Variants in RNF150 observed in about 807,000 individuals in gnomAD.
RNF150 encodes ring finger protein 150.
RNF150 carries 24 observed loss-of-function variants against 39.3 expected under a neutral mutation model. The ratio of observed to expected loss-of-function variants is 0.61; its 90% CI spans 0.44 to 0.86. The LOEUF is 0.86. RNF150 is among the 40% of genes least tolerant of loss of function. RNF150 has a pLI of 0.00. For synonymous variants in RNF150, 255 were observed against 227.3 expected (o/e 1.12, Z -1.10); for missense variants, 502 against 587.8 (o/e 0.85, Z 1.51).
intron 1 of RNF150, among the ~76,000 whole-genome samples, chr4:141,189,554 C>A (rs185293656): frequency 2.0e-5 from 3 of 152,158 alleles, no homozygotes; most frequent in Admixed American, 1.3e-4. Context: ...TATCTATAAG[C>A]CTCTGACTGG....
chr4:141,039,199 T>C (rs1191504681), intron 1 of RNF150, among the ~76,000 whole-genome samples: 2 of 152,142 alleles, frequency 1.3e-5, no homozygotes, highest in Non-Finnish European at 2.9e-5. Flanking sequence ...CGAGCCTCTT[T>C]CATGAAAAGT....
At chr4:140,886,034 C>CA (rs1288883094) in intron 6 of RNF150, among the ~76,000 whole-genome samples, 2 of 151,444 alleles carry the variant, frequency 1.3e-5, no homozygotes, top group African/African-American at 4.8e-5. Context: ...ACTGAAAATA[C>CA]AAAAAAATTA....
At chr4:141,087,418 T>A (rs532866875) in intron 1 of RNF150, among the ~76,000 whole-genome samples, 4 of 152,210 alleles carry the variant, frequency 2.6e-5, no homozygotes, top group Non-Finnish European at 5.9e-5. Context: ...TCCCTCTCCA[T>A]CTTTATCCAG....
intron 1 of RNF150, among the ~76,000 whole-genome samples, chr4:140,997,727 A>ATACACACACATATATGTGTGTGT (rs1229186561): frequency 1.1e-4 from 6 of 52,532 alleles, no homozygotes; most frequent in South Asian, 5.3e-4. Flanking sequence ...TGTGTGTATA[A>ATACACACACATATATGTGTGTGT]AAAGATACTA....
rs528336229 is a variant in RNF150, at chr4:141,047,398, A to G, written c.485-79525T>C. On this transcript the variant is annotated intron_variant, in intron 1 of 6. Coordinates refer to ENST00000515673, the MANE Select transcript of RNF150 (RefSeq NM_020724.2). ...AGACAGGCAGAGGCTGGTCCAGATCAAGAATCTGGTCGTGTGTAAATGTGC... is the reference window on the plus strand; with the variant it reads ...AGACAGGCAGAGGCTGGTCCAGATCGAGAATCTGGTCGTGTGTAAATGTGC... Among the ~76,000 whole-genome samples, 4 of 152,290 alleles carry G rather than the reference A, an allele frequency of 2.6e-5. No individual in the cohort carries two copies. The South Asian group carries it at 8.3e-4, about 32-fold the overall frequency.
intron 1 of RNF150, among the ~76,000 whole-genome samples, chr4:141,144,244 A>G (rs1727166304): frequency 6.6e-6 from 1 of 152,204 alleles, no homozygotes; most frequent in Non-Finnish European, 1.5e-5. Flanking sequence ...ATTTGATTAA[A>G]TAAGACTTTG....
Position 141,132,810 on chromosome 4 carries a change from T to C in RNF150, c.-2A>G, listed in dbSNP as rs773840918. ...CGCTTGGATGAGAGACATTGCCATC[T>C]TTATCCGCCGGGGCCCCCTCCCCGC... On this transcript the variant is annotated 5_prime_UTR_variant, in exon 1 of 7. Transcript: ENST00000515673. The surrounding 1 kb of genome is among the most constrained non-coding windows in gnomAD (Gnocchi z 4.9). The C allele has an allele frequency of 1.9e-6, 3 of 1,602,056 alleles. No individual in the cohort carries two copies. Among genetic ancestry groups the C allele is most frequent in the African/African-American group, 1.4e-5 (1 of 73,900 alleles).
intron 6 of RNF150, among the ~76,000 whole-genome samples, chr4:140,890,417 A>G (rs1251765543): frequency 6.6e-6 from 1 of 152,138 alleles, no homozygotes; most frequent in East Asian, 1.9e-4. Context: ...TTCCCTGTAC[A>G]TGTGTTGTGT....
rs59513662 is a variant in RNF150 at position 141,100,642 on chromosome 4, G to A, written c.484+31683C>T. Among the ~76,000 whole-genome samples, 1,421 of 152,292 alleles carry A rather than the reference G, an allele frequency of 9.3e-3. 8 individuals carry two copies. The highest frequency in any genetic ancestry group is 0.014 in the African/African-American group (563 of 41,556). On this transcript the variant is annotated intron_variant, in intron 1 of 6. Coordinates refer to ENST00000515673, the MANE Select transcript of RNF150 (RefSeq NM_020724.2). Reference sequence around the variant, plus strand: ...CTGACTAAGGGTACTATACAAAGAGGCATGCTAGGGAAGGAGATGTACGTC... The same window carrying A: ...CTGACTAAGGGTACTATACAAAGAGACATGCTAGGGAAGGAGATGTACGTC...
intron 1 of RNF150, among the ~76,000 whole-genome samples, chr4:141,046,052 A>G (rs1736563278): frequency 6.6e-6 from 1 of 152,198 alleles, no homozygotes; most frequent in Non-Finnish European, 1.5e-5. Flanking sequence ...CGTCATAGGA[A>G]AGCCATAGAG....
intron 5 of RNF150, among the ~76,000 whole-genome samples, chr4:140,920,220 T>C (rs75056402): frequency 0.54 from 76,730 of 142,496 alleles, 21,260 homozygotes; most frequent in East Asian, 0.89. Flanking sequence ...TTCTGCACAG[T>C]GAAAGAAACT....
chr4:141,041,184 G>A (rs990961197), intron 1 of RNF150, among the ~76,000 whole-genome samples: 4 of 152,140 alleles, frequency 2.6e-5, no homozygotes. Flanking sequence ...CCTAGTTAGG[G>A]AGAGAAATAA....
chr4:141,090,326 T>A (rs904617553), intron 1 of RNF150, among the ~76,000 whole-genome samples: 1 of 152,144 alleles, frequency 6.6e-6, no homozygotes, highest in African/African-American at 2.4e-5. Flanking sequence ...TTATTTGTAG[T>A]GCACCTAAGC....
rs1727422713 is a variant in RNF150 at position 141,157,176 on chromosome 4, T to C, written c.-6+55618A>G. On this transcript the variant is annotated intron_variant, in intron 1 of 7. Transcript: ENST00000420921. Reference sequence around the variant, plus strand: ...TCATCAGTGTTTCCTCTCATGGTCATAGATAGCTGCAGGATTCAGGTGTCA... The same window carrying C: ...TCATCAGTGTTTCCTCTCATGGTCACAGATAGCTGCAGGATTCAGGTGTCA... 2.6e-5 allele frequency among the ~76,000 whole-genome samples: 4 copies of C among 152,168 alleles called. No individual in the cohort carries two copies. In the South Asian group the frequency reaches 8.3e-4, roughly 32 times the overall value.
chr4:141,039,596 C>G (rs114114050), intron 1 of RNF150, among the ~76,000 whole-genome samples: 1 of 152,056 alleles, frequency 6.6e-6, no homozygotes, highest in African/African-American at 2.4e-5. Flanking sequence ...AAAATCTGCA[C>G]GTGCACACAT....
chr4:141,000,653 T>C (rs909777170), intron 1 of RNF150, among the ~76,000 whole-genome samples: 13 of 151,180 alleles, frequency 8.6e-5, no homozygotes, highest in African/African-American at 1.9e-4. Flanking sequence ...TACATTGATT[T>C]AGAATTTTTG....
chr4:141,032,978 C>CTT (rs1279672111), intron 1 of RNF150, among the ~76,000 whole-genome samples: 7 of 152,108 alleles, frequency 4.6e-5, no homozygotes, highest in Admixed American at 6.6e-5. Flanking sequence ...TGAGGGCTGC[C>CTT]GACTGATCAG....
intron 1 of RNF150, among the ~76,000 whole-genome samples, chr4:141,050,454 C>T (rs1736734545): frequency 6.6e-6 from 1 of 152,182 alleles, no homozygotes; most frequent in Non-Finnish European, 1.5e-5. Flanking sequence ...TGAGAAAAGG[C>T]AAGACCCTTC....
chr4:141,191,707 T>TTATC (rs764530781), intron 1 of RNF150, among the ~76,000 whole-genome samples: 7 of 152,178 alleles, frequency 4.6e-5, no homozygotes, highest in African/African-American at 1.7e-4. Flanking sequence ...TATTGATATA[T>TTATC]TATCTATCTA....
Sources: gnomAD v4.1 joint callset for allele counts (sites outside exome capture counted in the v4.1 genomes callset) on GRCh38, gnomAD v4.1.1 for gene constraint, Gnocchi (gnomAD v3.1) non-coding constraint, MANE v1.5 for transcripts, NCBI Gene and HGNC (gene_info 2026-07-23, HGNC 2026-07-21) for gene names.